The following MAP2K5 variants were observed in gnomAD, a reference collection of about 807,000 sequenced individuals.
The protein encoded by MAP2K5 is dual specificity mitogen-activated protein kinase kinase 5.
Under a neutral mutation model 83.1 loss-of-function variants are expected in MAP2K5, and 49 were observed. That is an observed-to-expected ratio of 0.59 (90% CI 0.47 to 0.75). The LOEUF (loss-of-function observed/expected upper bound fraction) is 0.75. MAP2K5 is among the 30% of genes least tolerant of loss of function. The probability of loss-of-function intolerance (pLI) is 0.00; values close to 1 mark genes in which losing one functional copy is unlikely to be tolerated. For missense variants in MAP2K5, 457 were observed against 557.5 expected (o/e 0.82, Z 1.82); for synonymous variants, 202 against 191.8 (o/e 1.05, Z -0.44).
intron 16 of MAP2K5, among the ~76,000 whole-genome samples, chr15:67,727,156 C>T (rs937928464): frequency 3.3e-5 from 5 of 152,170 alleles, no homozygotes; most frequent in African/African-American, 2.4e-5. Context: ...GCCGAGATCA[C>T]GCCACTGCAC....
intron 9 of MAP2K5, chr15:67,642,308 T>G: frequency 4.5e-6 from 3 of 660,810 alleles, no homozygotes; most frequent in Non-Finnish European, 7.4e-6. Context: ...GGCACTACTG[T>G]GAGTTAGACC....
intron 16 of MAP2K5, among the ~76,000 whole-genome samples, chr15:67,725,686 G>A (rs2089075495): frequency 1.3e-5 from 2 of 152,100 alleles, no homozygotes; most frequent in African/African-American, 4.8e-5. Context: ...CCTCTTGCTG[G>A]TTTTCTAACT....
At chr15:67,628,745 C>T (rs2086386359) in intron 8 of MAP2K5, 1 of 768,128 alleles carries the variant, frequency 1.3e-6, no homozygotes, top group Admixed American at 1.7e-5. Flanking sequence ...TTCAGCCAGC[C>T]AAAGAGGTCG....
chr15:67,626,634 C>G (rs2141078603), intron 8 of MAP2K5, among the ~76,000 whole-genome samples: 1 of 152,238 alleles, frequency 6.6e-6, no homozygotes. Context: ...CACAGTGGCT[C>G]ATACCTGTAA....
chr15:67,682,916 G>T (rs2087856103), intron 13 of MAP2K5, among the ~76,000 whole-genome samples: 1 of 151,570 alleles, frequency 6.6e-6, no homozygotes, highest in Admixed American at 6.6e-5. Context: ...GAGGCAGGTG[G>T]ATCACCTGAG....
At chr15:67,590,468 T>TCTCTCACTCA (rs1555529575) in intron 6 of MAP2K5, among the ~76,000 whole-genome samples, 1 of 27,226 alleles carries the variant, frequency 3.7e-5, no homozygotes, top group African/African-American at 1.2e-4. Context: ...TCTCTCTCTC[T>TCTCTCACTCA]CTCTCTCTTT....
chr15:67,629,156 G>T (rs1032699524), intron 8 of MAP2K5: 33 of 714,636 alleles, frequency 4.6e-5, no homozygotes, highest in Middle Eastern at 3.9e-4. Flanking sequence ...GAAACAAAGC[G>T]TAGCAAAAGA....
chr15:67,653,001 G>GT (rs1478313713), intron 11 of MAP2K5, among the ~76,000 whole-genome samples: 21 of 152,056 alleles, frequency 1.4e-4, no homozygotes, highest in Non-Finnish European at 2.4e-4. Flanking sequence ...TTTGTGATTA[G>GT]TTTTTTTATT....
rs546312518 is a variant in MAP2K5 at position 67,550,203 on chromosome 15, C to T, written c.184+121C>T. ...GATTATTTATGACCATCATATGGTA[C>T]ATTTAAATATTTATAAATTGATATA... On this transcript the variant is annotated intron_variant, in intron 2 of 21. Transcript: ENST00000178640. 5.2e-5 allele frequency: 34 copies of T among 654,298 alleles called. No homozygotes were observed. The African/African-American group carries it at 5.8e-4, about 11-fold the overall frequency. The allele number at this position is 654,298 out of a possible 1,614,324, so 40.5% of individuals were successfully genotyped here.
intron 16 of MAP2K5, among the ~76,000 whole-genome samples, chr15:67,705,025 T>C (rs1360002536): frequency 2.0e-5 from 3 of 152,148 alleles, no homozygotes; most frequent in East Asian, 1.9e-4. Flanking sequence ...AATATTGATC[T>C]CTAAGCCCCT....
chr15:67,560,162 T>C (rs1315760369), intron 2 of MAP2K5, among the ~76,000 whole-genome samples: 1 of 152,238 alleles, frequency 6.6e-6, no homozygotes, highest in Non-Finnish European at 1.5e-5. Context: ...CACTAACTTT[T>C]CGTAGCTGTC....
rs67575262 is a variant in MAP2K5, at chr15:67,780,271, C to CT, written c.1242+7533dup. ...AGAAGCTCTGGCCAGGGAGCAGATA[C>CT]TTTTTTTTTTTTTTAACCTTTAAAG... is the stretch of plus-strand genomic sequence containing the variant. On this transcript the variant is annotated intron_variant, in intron 21 of 21. Transcript: ENST00000178640. The surrounding 1 kb of genome is among the most constrained non-coding windows in gnomAD (Gnocchi z 5.0). Among the ~76,000 whole-genome samples the CT allele has an allele frequency of 3.0e-4, 45 of 148,754 alleles. No homozygotes were observed. The highest frequency in any genetic ancestry group is 7.4e-4 in the Admixed American group (11 of 14,962).
rs2089878245 is a variant in MAP2K5 at position 67,758,228 on chromosome 15, C to T, written c.1134+9627C>T. On this transcript the variant is annotated intron_variant, in intron 19 of 21. Coordinates refer to ENST00000178640, the MANE Select transcript of MAP2K5 (RefSeq NM_145160.3). This position sits in a 1 kb window ranked among gnomAD's most constrained non-coding sequence, Gnocchi z 4.7. Reference sequence around the variant, plus strand: ...AATTGGAGGGGTTTAATCAGGACAGCCTTAGCATGTTTGAAGGGTATTTAG... The same window carrying T: ...AATTGGAGGGGTTTAATCAGGACAGTCTTAGCATGTTTGAAGGGTATTTAG... Among the ~76,000 whole-genome samples the T allele has an allele frequency of 6.6e-6, 1 of 151,964 alleles. No individual in the cohort carries two copies. Among genetic ancestry groups the T allele is most frequent in the Non-Finnish European group, 1.5e-5 (1 of 67,992 alleles).
At chr15:67,627,416 A>G (rs1404411253) in intron 8 of MAP2K5, among the ~76,000 whole-genome samples, 1 of 152,222 alleles carries the variant, frequency 6.6e-6, no homozygotes, top group Non-Finnish European at 1.5e-5. Context: ...GAATTTCTGT[A>G]TAATTAATTG....
chr15:67,716,546 G>A (rs1012869104), intron 16 of MAP2K5, among the ~76,000 whole-genome samples: 1 of 152,216 alleles, frequency 6.6e-6, no homozygotes, highest in Middle Eastern at 3.4e-3. Context: ...ACTGCTCCTA[G>A]AAAATTCTCT....
At chr15:67,621,425 C>T (rs1444289034) in intron 8 of MAP2K5, among the ~76,000 whole-genome samples, 2 of 34,326 alleles carry the variant, frequency 5.8e-5, no homozygotes, top group African/African-American at 9.1e-5. Flanking sequence ...TACTAATGAA[C>T]AAAAGTTTGA....
In MAP2K5 at chr15:67,736,172, G is replaced by A. The variant is rs62015167; in HGVS notation, c.1074+8227G>A. On this transcript the variant is annotated intron_variant, in intron 17 of 21. Coordinates refer to ENST00000178640, the MANE Select transcript of MAP2K5 (RefSeq NM_145160.3). The surrounding 1 kb of genome is among the most constrained non-coding windows in gnomAD (Gnocchi z 4.3). ...GAGGTAATGTGTCAGGATGGAGATG[G>A]CAAGTGTAGCAGGGACCAGATAAAG... Among the ~76,000 whole-genome samples, 6,329 of 152,250 alleles carry A rather than the reference G, an allele frequency of 0.042. 295 individuals are homozygous for A. The highest frequency in any genetic ancestry group is 0.11 in the African/African-American group (4,425 of 41,520).
intron 13 of MAP2K5, among the ~76,000 whole-genome samples, chr15:67,684,635 C>T (rs544884862): frequency 6.6e-6 from 1 of 152,152 alleles, no homozygotes; most frequent in Admixed American, 6.5e-5. Flanking sequence ...GAAATAGATG[C>T]CCCCCTCCCA....
chr15:67,586,646 T>C (rs1375536213), intron 5 of MAP2K5, among the ~76,000 whole-genome samples, 200 bp from the exon 6 acceptor site: 3 of 152,222 alleles, frequency 2.0e-5, no homozygotes, highest in African/African-American at 7.2e-5. Flanking sequence ...AATGGAATAA[T>C]GACAGGAATA....
Sources: gnomAD v4.1 joint callset for allele counts (sites outside exome capture counted in the v4.1 genomes callset) on GRCh38, gnomAD v4.1.1 for gene constraint, Gnocchi (gnomAD v3.1) non-coding constraint, MANE v1.5 for transcripts, NCBI Gene and HGNC (gene_info 2026-07-23, HGNC 2026-07-21) for gene names.